Variants in CHN1 observed in about 807,000 individuals in gnomAD.
CHN1 encodes the protein N-chimaerin.
In CHN1, 37 loss-of-function variants were observed where a neutral mutation model predicts 59.5. The observed-to-expected ratio is 0.62, with a 90% confidence interval of 0.48 to 0.82. The LOEUF (loss-of-function observed/expected upper bound fraction) is 0.82. Among genes scored for constraint, CHN1 ranks in the 40% least tolerant of loss-of-function variants. The pLI is 0.00. For synonymous variants in CHN1, 206 were observed against 200.4 expected (o/e 1.03, Z -0.24); for missense variants, 469 against 571.0 (o/e 0.82, Z 1.82).
intron 1 of CHN1, among the ~76,000 whole-genome samples, chr2:174,991,892 C>T (rs181370328): frequency 2.4e-4 from 37 of 151,888 alleles, no homozygotes; most frequent in African/African-American, 7.7e-4. Flanking sequence ...TTAAGCACTG[C>T]GAGGAATACA....
intron 7 of CHN1, among the ~76,000 whole-genome samples, chr2:174,834,513 A>C (rs1378377757): frequency 6.6e-6 from 1 of 152,220 alleles, no homozygotes; most frequent in African/African-American, 2.4e-5. Context: ...TCATCTCTGA[A>C]AGATATATTT....
At chr2:174,959,394 T>A (rs956591591) in intron 1 of CHN1, among the ~76,000 whole-genome samples, 1 of 152,102 alleles carries the variant, frequency 6.6e-6, no homozygotes, top group Admixed American at 6.5e-5. Flanking sequence ...AGTGGGTAGG[T>A]GCCACTGTCC....
chr2:174,958,388 T>C (rs1285964515), intron 1 of CHN1, among the ~76,000 whole-genome samples: 1 of 152,152 alleles, frequency 6.6e-6, no homozygotes. Context: ...ATGAAGGTGG[T>C]TGGGGAACTC....
chr2:174,995,736 G>C (rs1161559198), intron 1 of CHN1, among the ~76,000 whole-genome samples: 1 of 152,136 alleles, frequency 6.6e-6, no homozygotes, highest in African/African-American at 2.4e-5. Context: ...CTTGGGGGTT[G>C]GGGACACCTG....
chr2:174,843,626 A>G (rs1335023338), intron 7 of CHN1, among the ~76,000 whole-genome samples: 3 of 152,044 alleles, frequency 2.0e-5, no homozygotes, highest in Non-Finnish European at 4.4e-5. Flanking sequence ...TCACATCATA[A>G]TCTCTGCAAC....
chr2:174,951,135 G>A (rs1173219867), intron 2 of CHN1, among the ~76,000 whole-genome samples: 2 of 152,154 alleles, frequency 1.3e-5, no homozygotes, highest in Non-Finnish European at 2.9e-5. Flanking sequence ...AAATCTTTAG[G>A]AGGTAAAGAA....
intron 6 of CHN1, among the ~76,000 whole-genome samples, chr2:174,876,697 T>C (rs1381605846): frequency 6.6e-6 from 1 of 152,216 alleles, no homozygotes; most frequent in Non-Finnish European, 1.5e-5. Context: ...CTTTCTTATT[T>C]CCATTCTGTA....
intron 7 of CHN1, chr2:174,846,454 C>T: frequency 6.6e-7 from 1 of 1,520,464 alleles, no homozygotes; most frequent in African/African-American, 1.4e-5. Context: ...GAAATGCAAA[C>T]CATCTGCTCA....
At chr2:174,896,201 T>A (rs935535631) in intron 5 of CHN1, among the ~76,000 whole-genome samples, 1 of 152,128 alleles carries the variant, frequency 6.6e-6, no homozygotes, top group Non-Finnish European at 1.5e-5. Flanking sequence ...TGGTTTGTAT[T>A]CCTGAGGTAG....
chr2:174,824,319 A>G (rs1685609097), intron 8 of CHN1, 115 bp downstream of exon 8: 4 of 699,220 alleles, frequency 5.7e-6, no homozygotes, highest in Admixed American at 2.9e-5. Flanking sequence ...CTGCATGTGC[A>G]TAAGACCAAA....
chr2:174,819,511 A>C lies in CHN1; in HGVS notation c.712+4923T>G, dbSNP rs927595165. On this transcript the variant is annotated intron_variant, in intron 8 of 12. Transcript: ENST00000409900. Reference sequence around the variant, plus strand: ...GAAAACAATTCAGGAATGCTGCTGGAATAATGGTCTTTTTTTAAAGACGAA... The same window carrying C: ...GAAAACAATTCAGGAATGCTGCTGGCATAATGGTCTTTTTTTAAAGACGAA... Among the ~76,000 whole-genome samples the C allele has an allele frequency of 5.9e-5, 9 of 152,294 alleles. No homozygotes were observed. The East Asian group carries it at 1.4e-3, about 23-fold the overall frequency.
intron 5 of CHN1, among the ~76,000 whole-genome samples, chr2:174,881,878 T>C: frequency 6.6e-6 from 1 of 152,162 alleles, no homozygotes; most frequent in South Asian, 2.1e-4. Flanking sequence ...TTCCACTGTG[T>C]CCTGGGAATG....
chr2:174,892,735 A>G (rs1688092501), intron 5 of CHN1, among the ~76,000 whole-genome samples: 2 of 152,192 alleles, frequency 1.3e-5, no homozygotes, highest in Admixed American at 1.3e-4. Context: ...ACCAAATTAA[A>G]CAGCACATTA....
At chr2:174,945,160 G>T in intron 2 of CHN1, 2 of 531,940 alleles carry the variant, frequency 3.8e-6, no homozygotes, top group South Asian at 5.1e-5. Flanking sequence ...CCAAACAAGT[G>T]TCTTTTTACC....
At position 174,824,381 on chromosome 2, in the gene CHN1, C is replaced by T; in HGVS notation, c.712+53G>A. 2.2e-6 allele frequency: 3 copies of T among 1,386,504 alleles called. No individual in the cohort carries two copies. The South Asian group carries it at 3.9e-5, about 18-fold the overall frequency. 85.9% of individuals were successfully genotyped at this position (1,386,504 alleles called of 1,614,324 possible). A position where few individuals can be genotyped will look rare whatever the true frequency, so the allele number is the denominator to read the frequency against. On this transcript the variant is annotated intron_variant, in intron 8 of 12. Transcript: ENST00000409900. ...TAACAACAAGTCTCCTTCTACCTCA[C>T]CTCTTATAACTTCACAACTGACTCA...
chr2:174,885,463 T>C (rs1391361542), intron 5 of CHN1, among the ~76,000 whole-genome samples: 1 of 152,066 alleles, frequency 6.6e-6, no homozygotes, highest in Non-Finnish European at 1.5e-5. Flanking sequence ...AAGCTGCTTT[T>C]TCTATTGACA....
rs1449934726 is a variant in CHN1 at position 174,812,378 on chromosome 2, G to T, written c.817C>A (p.Leu273Ile). 2 of 1,613,886 alleles carry T rather than the reference G, an allele frequency of 1.2e-6. No homozygotes were observed. The highest frequency in any genetic ancestry group is 1.7e-6 in the Non-Finnish European group (2 of 1,179,896). ...CGCTTAGTGGTATGTGCTTTCACGAGCGTCGTAAGGTCACAGCTGTACACC... is the reference window on the plus strand; with the variant it reads ...CGCTTAGTGGTATGTGCTTTCACGATCGTCGTAAGGTCACAGCTGTACACC... ...KKVYSCDLTT[L>I]VKAHTTKRPM... is the part of the protein sequence containing the mutation. The change falls in exon 9 of 13, where the codon CTC becomes ATC. Residue 273 changes from leucine to isoleucine, a missense_variant. Physicochemically the swap from Leu to Ile is conservative, Grantham distance 5. Coordinates refer to ENST00000409900, the MANE Select transcript of CHN1 (RefSeq NM_001822.7).
chr2:174,840,161 C>CTTTTTTTTTTTTTTTT, intron 7 of CHN1, among the ~76,000 whole-genome samples: 1 of 67,388 alleles, frequency 1.5e-5, no homozygotes, highest in Non-Finnish European at 2.7e-5. Flanking sequence ...TAAAACCATT[C>CTTTTTTTTTTTTTTTT]TTTTTTTTTT....
chr2:175,005,011 G>A lies in CHN1; in HGVS notation c.-99C>T, dbSNP rs1692018613. 1.8e-5 allele frequency: 27 copies of A among 1,488,424 alleles called. No homozygotes were observed. The South Asian group carries it at 3.1e-4, about 17-fold the overall frequency. 92.2% of individuals were successfully genotyped at this position (1,488,424 alleles called of 1,614,324 possible). A position where few individuals can be genotyped will look rare whatever the true frequency, so the allele number is the denominator to read the frequency against. On this transcript the variant is annotated 5_prime_UTR_variant, in exon 1 of 13. Coordinates refer to ENST00000409900, the MANE Select transcript of CHN1 (RefSeq NM_001822.7). The stretch of plus-strand genomic sequence containing the variant: ...GCCGCACCCACACCTCGGAGAGAGT[G>A]GGGTGCCCGATGGGGCGTGCTGGGG...
Sources: allele counts gnomAD v4.1 joint callset (sites outside exome capture counted in the v4.1 genomes callset), GRCh38; gene constraint gnomAD v4.1.1; transcripts MANE v1.5; gene names NCBI Gene and HGNC (gene_info 2026-07-23, HGNC 2026-07-21).